COLEC12: variants seen among roughly 807,000 people sequenced by gnomAD.
COLEC12 encodes collectin subfamily member 12, also known as collectin-12.
Under a neutral mutation model 71.1 loss-of-function variants are expected in COLEC12, and 33 were observed. That is an observed-to-expected ratio of 0.46 (90% CI 0.35 to 0.62). The LOEUF (loss-of-function observed/expected upper bound fraction) is 0.62. Ranked by LOEUF, COLEC12 falls within the 20% of genes least tolerant of loss-of-function variation. The pLI, the probability that COLEC12 is intolerant of heterozygous loss-of-function variation, is 0.00. For synonymous variants in COLEC12, 350 were observed against 353.0 expected, an observed-to-expected ratio of 0.99 and a Z score of 0.10; for missense variants, 765 against 916.1, an observed-to-expected ratio of 0.84 and a Z score of 2.13.
rs370741108 is a variant in COLEC12 at position 346,782 on chromosome 18, G to A, written c.840C>T (p.Asn280=). The change falls in exon 5 of 10, where the codon AAC becomes AAT. Residue 280 remains asparagine (N), a synonymous_variant. Transcript: ENST00000400256. The surrounding 1 kb of genome is among the most constrained non-coding windows in gnomAD (Gnocchi z 4.0). ...ANNSALAKAN[N]DTLEDMNSQL... The stretch of plus-strand genomic sequence containing the variant: ...GGCTGTTCATATCCTCCAGGGTGTC[G>A]TTGTTGGCTTTGGCCAACGCAGAGT... The A allele has an allele frequency of 3.5e-5, 56 of 1,614,178 alleles. No individual in the cohort carries two copies. Among genetic ancestry groups the A allele is most frequent in the African/African-American group, 1.1e-4 (8 of 75,046 alleles).
rs1183443031 is a variant in COLEC12 at position 399,964 on chromosome 18, A to T, written c.59-42442T>A. On this transcript the variant is annotated intron_variant, in intron 2 of 9. Transcript: ENST00000400256. This position sits in a 1 kb window ranked among gnomAD's most constrained non-coding sequence, Gnocchi z 4.0. ...TGGTGGGGGCGGGTGGGGGATAGTG[A>T]CTGAAGAGGCTGTATTTATTGGGAG... Among the ~76,000 whole-genome samples, 2 of 152,188 alleles carry T rather than the reference A, an allele frequency of 1.3e-5. No homozygotes were observed. Among genetic ancestry groups the T allele is most frequent in the African/African-American group, 4.8e-5 (2 of 41,438 alleles).
intron 2 of COLEC12, among the ~76,000 whole-genome samples, chr18:423,411 C>G (rs1916136261): frequency 6.6e-6 from 1 of 152,134 alleles, no homozygotes; most frequent in Non-Finnish European, 1.5e-5. Flanking sequence ...GTATTATTTT[C>G]TTCCAAATAA....
intron 2 of COLEC12, among the ~76,000 whole-genome samples, chr18:475,076 A>AAAAAAAATAAAT (rs58274581): frequency 3.3e-5 from 5 of 151,294 alleles, no homozygotes; most frequent in East Asian, 2.0e-4. Context: ...CTCCGTCTCA[A>AAAAAAAATAAAT]AAATAAATAA....
chr18:421,976 T>C (rs558006271), intron 2 of COLEC12, among the ~76,000 whole-genome samples: 1 of 152,312 alleles, frequency 6.6e-6, no homozygotes, highest in Admixed American at 6.5e-5. Context: ...AAATTACTGC[T>C]GGGTGAGTCA....
At chr18:324,394 C>T (rs1036821678) in intron 8 of COLEC12, among the ~76,000 whole-genome samples, 4 of 152,048 alleles carry the variant, frequency 2.6e-5, no homozygotes, top group African/African-American at 7.2e-5. Flanking sequence ...CAGAAGTGAG[C>T]GGTAGCAGCA....
intron 2 of COLEC12, among the ~76,000 whole-genome samples, chr18:477,473 C>T (rs72853189): frequency 0.08 from 12,193 of 152,176 alleles, 570 homozygotes; most frequent in Admixed American, 0.14. Context: ...CTCTATGTCA[C>T]CCAGTCTATT....
chr18:476,048 A>G (rs1329429999), intron 2 of COLEC12, among the ~76,000 whole-genome samples: 1 of 152,236 alleles, frequency 6.6e-6, no homozygotes, highest in East Asian at 1.9e-4. Flanking sequence ...TTGAAGCTAT[A>G]GCTATAGAGA....
chr18:422,562 A>G lies in COLEC12; in HGVS notation c.58+58145T>C, dbSNP rs1047659377. The stretch of plus-strand genomic sequence containing the variant: ...ACAAGGAGCAATATATAAGGTAAAA[A>G]TGTGAGTTTCCTTTACCTTTTCCAA... On this transcript the variant is annotated intron_variant, in intron 2 of 9. Coordinates refer to ENST00000400256, the MANE Select transcript of COLEC12 (RefSeq NM_130386.3). Among the ~76,000 whole-genome samples the G allele has an allele frequency of 3.3e-5, 5 of 152,188 alleles. No individual in the cohort carries two copies. In the East Asian group the frequency reaches 9.6e-4, roughly 29 times the overall value.
chr18:474,295 A>G (rs1157436658), intron 2 of COLEC12, among the ~76,000 whole-genome samples: 1 of 152,228 alleles, frequency 6.6e-6, no homozygotes, highest in Non-Finnish European at 1.5e-5. Context: ...TTCTGGGGGA[A>G]TTCAATGAAC....
intron 2 of COLEC12, among the ~76,000 whole-genome samples, chr18:460,057 GAA>G (rs56855042): frequency 6.8e-6 from 1 of 147,434 alleles, no homozygotes; most frequent in Non-Finnish European, 1.5e-5. Flanking sequence ...AAGGAAAAAA[GAA>G]AAAAAAAAGA....
intron 2 of COLEC12, among the ~76,000 whole-genome samples, chr18:445,525 CAA>C (rs367662491): frequency 2.4e-3 from 369 of 152,096 alleles, no homozygotes; most frequent in African/African-American, 8.5e-3. Flanking sequence ...TTAGTATATT[CAA>C]AGACTTGTAT....
intron 6 of COLEC12, 73 bp downstream of exon 6, chr18:334,669 C>T (rs1207714318): frequency 1.5e-6 from 2 of 1,311,866 alleles, no homozygotes; most frequent in East Asian, 5.6e-5. Context: ...TGGGGCCACA[C>T]ACTGGGGGTT....
intron 2 of COLEC12, among the ~76,000 whole-genome samples, chr18:407,236 A>C (rs1567898755): frequency 6.6e-6 from 1 of 152,278 alleles, no homozygotes; most frequent in Non-Finnish European, 1.5e-5. Context: ...CCTCAGAGAT[A>C]GCAAAAGTGC....
intron 2 of COLEC12, among the ~76,000 whole-genome samples, chr18:447,472 G>A (rs930058767): frequency 6.6e-6 from 1 of 152,212 alleles, no homozygotes; most frequent in African/African-American, 2.4e-5. Context: ...CTGGCGTGCT[G>A]AGCAGAGGCC....
chr18:367,943 A>C (rs980796842), intron 2 of COLEC12, among the ~76,000 whole-genome samples: 1 of 152,170 alleles, frequency 6.6e-6, no homozygotes, highest in South Asian at 2.1e-4. Context: ...AAACAAAACA[A>C]AACAAAACTA....
intron 2 of COLEC12, among the ~76,000 whole-genome samples, chr18:476,060 A>G (rs1917297881): frequency 6.6e-6 from 1 of 152,214 alleles, no homozygotes; most frequent in African/African-American, 2.4e-5. Context: ...CTATAGAGAG[A>G]CCTGTGAAGT....
chr18:409,132 G>A (rs1915843317), intron 2 of COLEC12, among the ~76,000 whole-genome samples: 1 of 152,162 alleles, frequency 6.6e-6, no homozygotes, highest in Non-Finnish European at 1.5e-5. Flanking sequence ...CACCGCATCT[G>A]GCCATGTACC....
intron 2 of COLEC12, among the ~76,000 whole-genome samples, chr18:436,911 G>A (rs1222146740): frequency 1.3e-5 from 2 of 152,134 alleles, no homozygotes. Context: ...AAAAATATCT[G>A]TTAATTAATT....
chr18:337,745 T>C (rs763882119), intron 5 of COLEC12, among the ~76,000 whole-genome samples: 1 of 152,176 alleles, frequency 6.6e-6, no homozygotes, highest in Non-Finnish European at 1.5e-5. Context: ...GTCCATTTTC[T>C]CAGGTTCCGC....
Sources: gnomAD v4.1 joint callset for allele counts (sites outside exome capture counted in the v4.1 genomes callset) on GRCh38, gnomAD v4.1.1 for gene constraint, Gnocchi (gnomAD v3.1) non-coding constraint, MANE v1.5 for transcripts, NCBI Gene and HGNC (gene_info 2026-07-23, HGNC 2026-07-21) for gene names.